CCDC51: variants seen among roughly 807,000 people sequenced by gnomAD.
The protein encoded by CCDC51 is mitochondrial potassium channel.
A neutral mutation model predicts 24.8 loss-of-function variants in CCDC51; 25 were observed. The ratio of observed to expected loss-of-function variants is 1.01; its 90% CI spans 0.73 to 1.41. The LOEUF is 1.41. CCDC51 is among the 40% of genes most tolerant of loss of function. CCDC51 has a pLI of 0.00. For synonymous variants in CCDC51, 190 were observed against 204.3 expected (o/e 0.93, Z 0.60); for missense variants, 466 against 519.1 (o/e 0.90, Z 0.99).
chr3:48,433,936 TCCCA>T lies in CCDC51; in HGVS notation c.313-69_313-66del. The T allele has an allele frequency of 6.4e-7, 1 of 1,561,492 alleles. No individual in the cohort carries two copies. ...CACACCCACACAGGCTCAGCTGCAT[TCCCA>T]GCAAGGCATTCCCAGAAGAGGTCAC... On this transcript the variant is annotated intron_variant, in intron 2 of 3. Coordinates refer to ENST00000395694, the MANE Select transcript of CCDC51 (RefSeq NM_001256964.2). This position sits in a 1 kb window ranked among gnomAD's most constrained non-coding sequence, Gnocchi z 4.4.
chr3:48,445,385 G>T (rs1200827045), upstream of CCDC51, among the ~76,000 whole-genome samples: 1 of 152,156 alleles, frequency 6.6e-6, no homozygotes, highest in Admixed American at 6.5e-5. Flanking sequence ...AGGGGGCAGG[G>T]GGAAGCCTGT....
At position 48,437,657 on chromosome 3, in the gene CCDC51, A is replaced by G. The variant is rs192929862; in HGVS notation, c.-9+2331T>C. 5.5e-4 allele frequency among the ~76,000 whole-genome samples: 83 copies of G among 152,140 alleles called. 1 individual carries two copies. The East Asian group carries it at 0.016, about 29-fold the overall frequency. On this transcript the variant is annotated intron_variant, in intron 1 of 3. Transcript: ENST00000395694. This position sits in a 1 kb window ranked among gnomAD's most constrained non-coding sequence, Gnocchi z 4.2. ...CTATGTAGATGGCTGTCTCCTACCA[A>G]CTGCCCCTTCCTCAAGCCTCTATCA...
At chr3:48,439,203 C>A (rs2039469223) in intron 1 of CCDC51, among the ~76,000 whole-genome samples, 1 of 152,194 alleles carries the variant, frequency 6.6e-6, no homozygotes, top group South Asian at 2.1e-4. Context: ...CATTTATTTG[C>A]TTTGGTTATA....
upstream of CCDC51, chr3:48,441,182 AT>A (rs1026289807): frequency 1.0e-3 from 147 of 146,474 alleles, no homozygotes; most frequent in South Asian, 4.2e-3. Flanking sequence ...CGCCTGGCTA[AT>A]TTTTTTTTTT....
intron 1 of CCDC51, among the ~76,000 whole-genome samples, chr3:48,438,965 G>C (rs1575427649): frequency 6.6e-6 from 1 of 152,078 alleles, no homozygotes; most frequent in African/African-American, 2.4e-5. Flanking sequence ...TCTTGAAGTT[G>C]CTGGAACGCA....
intron 2 of CCDC51, 34 bp downstream of exon 2, chr3:48,434,783 G>C (rs1391071585): frequency 1.9e-6 from 3 of 1,549,510 alleles, no homozygotes; most frequent in Non-Finnish European, 2.6e-6. Flanking sequence ...CCAAGTCAGA[G>C]GGCGGGGCCA....
chr3:48,436,616 C>T (rs1459950767), intron 1 of CCDC51, among the ~76,000 whole-genome samples: 1 of 152,238 alleles, frequency 6.6e-6, no homozygotes, highest in Non-Finnish European at 1.5e-5. Context: ...CCATGACACA[C>T]AGGCTGAGAT....
At chr3:48,434,298 A>T (rs183602363) in intron 2 of CCDC51, among the ~76,000 whole-genome samples, 1 of 152,334 alleles carries the variant, frequency 6.6e-6, no homozygotes, top group Admixed American at 6.5e-5. Context: ...AAGAGATGGC[A>T]CTGTTTGTCT....
At chr3:48,446,449 A>C in the CCDC51 span, 1 of 166,282 alleles carries the variant, frequency 6.0e-6, no homozygotes, top group East Asian at 1.7e-4. Context: ...GGCTCGACTC[A>C]AACGCAACAC....
At chr3:48,442,452 C>CTTTT (rs904695197), upstream of CCDC51, among the ~76,000 whole-genome samples, 1 of 130,744 alleles carries the variant, frequency 7.6e-6, no homozygotes, top group Non-Finnish European at 1.6e-5. Flanking sequence ...TAACCCTACA[C>CTTTT]TTTTTTTTTT....
At chr3:48,436,720 T>A (rs1185950668) in intron 1 of CCDC51, among the ~76,000 whole-genome samples, 3 of 152,218 alleles carry the variant, frequency 2.0e-5, no homozygotes, top group Non-Finnish European at 4.4e-5. Flanking sequence ...CTTCCCAACA[T>A]CACTGCCCCT....
rs527791073 is a variant in CCDC51, at chr3:48,437,331, C to G, written c.-8-2195G>C. Among the ~76,000 whole-genome samples, 84 of 152,246 alleles carry G rather than the reference C, an allele frequency of 5.5e-4. 1 individual carries two copies. Among genetic ancestry groups the G allele is most frequent in the Middle Eastern group, 6.8e-3 (2 of 294 alleles). ...CCATGTGGCAACTGGAGTTGTTTCTCCACTCCAGTCCCTCCCCTCAGCCTC... is the reference window on the plus strand; with the variant it reads ...CCATGTGGCAACTGGAGTTGTTTCTGCACTCCAGTCCCTCCCCTCAGCCTC... On this transcript the variant is annotated intron_variant, in intron 1 of 3. Transcript: ENST00000395694. The surrounding 1 kb of genome is among the most constrained non-coding windows in gnomAD (Gnocchi z 4.2).
rs781456988 is a variant in CCDC51 at position 48,432,744 on chromosome 3, T to A, written c.900A>T (p.Ser300=). Reference sequence around the variant, plus strand: ...GACTAAGCTGCTCTTTCAAGGCAGCTGAAAGGACATCTACATCTCTGTCTC... The same window carrying A: ...GACTAAGCTGCTCTTTCAAGGCAGCAGAAAGGACATCTACATCTCTGTCTC... ...PTRDRDVDVL[S]AALKEQLSHS... The change falls in exon 4 of 4, where the codon TCA becomes TCT. Residue 300 remains serine, a synonymous_variant. Transcript: ENST00000395694. 6.2e-7 allele frequency: 1 copy of A among 1,614,186 alleles called. No individual in the cohort carries two copies. Among genetic ancestry groups the A allele is most frequent in the Admixed American group, 1.7e-5 (1 of 60,026 alleles).
chr3:48,440,343 G>A (rs369617351), upstream of CCDC51: 2 of 1,611,924 alleles, frequency 1.2e-6, no homozygotes, highest in South Asian at 1.1e-5. Context: ...AGGACTGCGG[G>A]GACGGCGGGG....
Position 48,433,242 on chromosome 3 carries a change from T to TATAG in CCDC51, c.478-77_478-76insCTAT. The TATAG allele has an allele frequency of 7.2e-7, 1 of 1,398,378 alleles. No homozygotes were observed. The highest frequency in any genetic ancestry group is 9.9e-7 in the Non-Finnish European group (1 of 1,012,848). 86.6% of individuals were successfully genotyped at this position (1,398,378 alleles called of 1,614,324 possible). A position where few individuals can be genotyped will look rare whatever the true frequency, so the allele number is the denominator to read the frequency against. On this transcript the variant is annotated intron_variant, in intron 3 of 3. Transcript: ENST00000395694. The surrounding 1 kb of genome is among the most constrained non-coding windows in gnomAD (Gnocchi z 4.4). Reference sequence around the variant, plus strand: ...GCAGCTATAGCCACCAGCAGATGGCTCACTACCTTGTGCCTGGCAGAGTAC... The same window carrying TATAG: ...GCAGCTATAGCCACCAGCAGATGGCTATAGCACTACCTTGTGCCTGGCAGAGTAC...
upstream of CCDC51, chr3:48,445,276 G>A (rs911300808): frequency 2.0e-5 from 3 of 152,056 alleles, no homozygotes; most frequent in African/African-American, 4.8e-5. Flanking sequence ...GAATATTGTC[G>A]AAGAGCGCTC....
chr3:48,440,769 C>T (rs528496499), upstream of CCDC51: 7 of 760,220 alleles, frequency 9.2e-6, no homozygotes, highest in Admixed American at 1.6e-4. Flanking sequence ...TGGTCTCTAG[C>T]CAGTCTAGGA....
In CCDC51 at chr3:48,435,664, C is replaced by T. The variant is rs536467622; in HGVS notation, c.-8-528G>A. ...ACTCCCCAGACTCTCCAAGGACTGC[C>T]TCAGCACAAGGGAAGCAGAGTTTCA... is the stretch of plus-strand genomic sequence containing the variant. On this transcript the variant is annotated intron_variant, in intron 1 of 3. Transcript: ENST00000395694. The surrounding 1 kb of genome is among the most constrained non-coding windows in gnomAD (Gnocchi z 4.2). Among the ~76,000 whole-genome samples the T allele has an allele frequency of 5.9e-5, 9 of 152,164 alleles. No individual in the cohort carries two copies. The highest frequency in any genetic ancestry group is 1.0e-4 in the Non-Finnish European group (7 of 68,030).
At chr3:48,441,684 A>AT (rs1187033398), upstream of CCDC51, among the ~76,000 whole-genome samples, 5 of 152,162 alleles carry the variant, frequency 3.3e-5, no homozygotes, top group Admixed American at 2.0e-4. Context: ...ACATTTCAAA[A>AT]TATTTTTCAG....
Sources: gnomAD v4.1 joint callset for allele counts (sites outside exome capture counted in the v4.1 genomes callset) on GRCh38, gnomAD v4.1.1 for gene constraint, Gnocchi (gnomAD v3.1) non-coding constraint, MANE v1.5 for transcripts, NCBI Gene and HGNC (gene_info 2026-07-23, HGNC 2026-07-21) for gene names.